Variants in FARS2 observed in about 807,000 individuals in gnomAD.
The protein encoded by FARS2 is phenylalanyl-tRNA synthetase 2, mitochondrial, also known as phenylalanine--tRNA ligase, mitochondrial.
Under a neutral mutation model 46.4 loss-of-function variants are expected in FARS2, and 40 were observed. The ratio of observed to expected loss-of-function variants is 0.86; its 90% CI spans 0.67 to 1.12. The LOEUF (loss-of-function observed/expected upper bound fraction) is 1.12. Ranked by LOEUF, FARS2 falls within the 50% of genes most tolerant of loss-of-function variation. The pLI, the probability that FARS2 is intolerant of heterozygous loss-of-function variation, is 0.00. For missense variants in FARS2, 513 were observed against 567.9 expected (o/e 0.90, Z 0.98); for synonymous variants, 234 against 214.9 (o/e 1.09, Z -0.78).
chr6:5,391,035 G>A (rs2503815), intron 2 of FARS2, among the ~76,000 whole-genome samples: 22,569 of 152,202 alleles, frequency 0.15, 2,588 homozygotes, highest in African/African-American at 0.32. Flanking sequence ...AGGGTAAACC[G>A]TCATTATTTT....
intron 4 of FARS2, among the ~76,000 whole-genome samples, chr6:5,518,126 C>G (rs1185809198): frequency 6.6e-6 from 1 of 152,146 alleles, no homozygotes; most frequent in Non-Finnish European, 1.5e-5. Context: ...GCACCAGGCT[C>G]CACAGCAGAG....
At chr6:5,432,368 AT>A (rs1364916738) in intron 4 of FARS2, among the ~76,000 whole-genome samples, 1 of 124,408 alleles carries the variant, frequency 8.0e-6, no homozygotes, top group Non-Finnish European at 1.6e-5. Flanking sequence ...TATATAATAT[AT>A]TATATATTTA....
chr6:5,540,518 C>T (rs1172504045), intron 4 of FARS2, among the ~76,000 whole-genome samples: 7 of 152,200 alleles, frequency 4.6e-5, no homozygotes, highest in Non-Finnish European at 8.8e-5. Flanking sequence ...TTCTCTGAGA[C>T]ATCATTCATT....
intron 4 of FARS2, among the ~76,000 whole-genome samples, chr6:5,446,276 C>T (rs1180532699): frequency 1.3e-5 from 2 of 151,478 alleles, no homozygotes; most frequent in Non-Finnish European, 2.9e-5. Context: ...CTGATACTAA[C>T]ATAAGTAATT....
At chr6:5,688,947 G>T (rs1757467621) in intron 6 of FARS2, among the ~76,000 whole-genome samples, 1 of 152,182 alleles carries the variant, frequency 6.6e-6, no homozygotes, top group African/African-American at 2.4e-5. Context: ...TATGTGTCGA[G>T]GAATTTATCC....
intron 4 of FARS2, among the ~76,000 whole-genome samples, chr6:5,537,572 C>G (rs950969132): frequency 2.1e-5 from 3 of 143,566 alleles, no homozygotes; most frequent in Non-Finnish European, 4.6e-5. Flanking sequence ...CGGGCTTCCT[C>G]TCGAGTTGGA....
chr6:5,755,542 T>G (rs1478987854), intron 6 of FARS2, among the ~76,000 whole-genome samples: 2 of 152,254 alleles, frequency 1.3e-5, no homozygotes, highest in Non-Finnish European at 2.9e-5. Context: ...TGTGGTTCTT[T>G]TATGTCTTTA....
chr6:5,746,686 G>T (rs1761664403), intron 6 of FARS2, among the ~76,000 whole-genome samples: 1 of 152,056 alleles, frequency 6.6e-6, no homozygotes, highest in African/African-American at 2.4e-5. Flanking sequence ...GCTTCCTTAG[G>T]GCAAGAGTCA....
At chr6:5,622,569 C>T (rs2150699197) in intron 6 of FARS2, among the ~76,000 whole-genome samples, 1 of 152,272 alleles carries the variant, frequency 6.6e-6, no homozygotes, top group East Asian at 1.9e-4. Context: ...ATAGAAGAGG[C>T]TTCAGAGAGC....
intron 6 of FARS2, among the ~76,000 whole-genome samples, chr6:5,713,209 T>C (rs1321084832): frequency 2.0e-5 from 3 of 152,218 alleles, no homozygotes; most frequent in Non-Finnish European, 2.9e-5. Context: ...TTATACACAG[T>C]GTATGTCAGG....
chr6:5,709,669 A>AGG (rs1217424953), intron 6 of FARS2, among the ~76,000 whole-genome samples: 3 of 115,494 alleles, frequency 2.6e-5, no homozygotes, highest in East Asian at 5.1e-4. Flanking sequence ...ATGTTCCAAG[A>AGG]GGGTGTGTGT....
At chr6:5,602,920 T>C (rs544231565) in intron 5 of FARS2, among the ~76,000 whole-genome samples, 1 of 152,304 alleles carries the variant, frequency 6.6e-6, no homozygotes, top group East Asian at 1.9e-4. Flanking sequence ...CACTATGACG[T>C]CTGGGCTTTG....
chr6:5,721,709 C>T lies in FARS2; in HGVS notation c.1218-49582C>T, dbSNP rs56228930. On this transcript the variant is annotated intron_variant, in intron 6 of 6. Transcript: ENST00000274680. ...GGAAATATGGAGACACATTTTCCAACGTTGACAATTTTCCAAATTTGCTTG... is the reference window on the plus strand; with the variant it reads ...GGAAATATGGAGACACATTTTCCAATGTTGACAATTTTCCAAATTTGCTTG... 6.1e-3 allele frequency among the ~76,000 whole-genome samples: 923 copies of T among 152,312 alleles called. 5 individuals carry two copies. Among genetic ancestry groups the T allele is most frequent in the African/African-American group, 0.02 (848 of 41,552 alleles).
chr6:5,765,782 T>A lies in FARS2; in HGVS notation c.1218-5509T>A, dbSNP rs1199305627. Among the ~76,000 whole-genome samples, 1 of 152,184 alleles carries A rather than the reference T, an allele frequency of 6.6e-6. No homozygotes were observed. The highest frequency in any genetic ancestry group is 2.4e-5 in the African/African-American group (1 of 41,448). ...TTTCTGCAGGACCTCAGCAGGCTGC[T>A]AACTCCCGGATGTGAGCTGGTTGAG... On this transcript the variant is annotated intron_variant, in intron 6 of 6. Transcript: ENST00000274680. The surrounding 1 kb of genome is among the most constrained non-coding windows in gnomAD (Gnocchi z 4.0).
intron 6 of FARS2, among the ~76,000 whole-genome samples, chr6:5,676,568 G>A (rs184501596): frequency 8.0e-4 from 122 of 152,308 alleles, no homozygotes; most frequent in Non-Finnish European, 1.1e-3. Context: ...AAGGTGGACT[G>A]TATGCCACAT....
At chr6:5,384,094 GTT>G (rs1315148665) in intron 2 of FARS2, among the ~76,000 whole-genome samples, 4 of 152,146 alleles carry the variant, frequency 2.6e-5, no homozygotes, top group Non-Finnish European at 5.9e-5. Context: ...AGAATGGGGT[GTT>G]TTTTGTTGTT....
chr6:5,326,580 C>G (rs892524767), intron 1 of FARS2, among the ~76,000 whole-genome samples: 15 of 152,196 alleles, frequency 9.9e-5, no homozygotes, highest in African/African-American at 3.6e-4. Flanking sequence ...ACTGAGTGGC[C>G]TGGGGCTCCC....
rs532016729 is a variant in FARS2 at position 5,581,356 on chromosome 6, G to C, written c.1066-31813G>C. ...AATGAGGGTCGGCCATCGTGGGCAG[G>C]AAGGGGATTTCAGAAAGCCTTTAAA... On this transcript the variant is annotated intron_variant, in intron 5 of 6. Transcript: ENST00000274680. 2.0e-5 allele frequency among the ~76,000 whole-genome samples: 3 copies of C among 152,332 alleles called. No individual in the cohort carries two copies. The East Asian group carries it at 5.8e-4, about 29-fold the overall frequency.
chr6:5,583,098 T>C (rs1162345233), intron 5 of FARS2, among the ~76,000 whole-genome samples: 2 of 152,232 alleles, frequency 1.3e-5, no homozygotes, highest in African/African-American at 4.8e-5. Flanking sequence ...TACCAGTCAA[T>C]GGATAAGTGG....
Sources: allele counts gnomAD v4.1 joint callset (sites outside exome capture counted in the v4.1 genomes callset), GRCh38; gene constraint gnomAD v4.1.1; non-coding constraint Gnocchi (gnomAD v3.1); transcripts MANE v1.5; gene names NCBI Gene and HGNC (gene_info 2026-07-23, HGNC 2026-07-21).